Variants in GMDS observed in about 807,000 individuals in gnomAD.
GMDS encodes GDP-mannose 4,6 dehydratase.
In GMDS, 20 loss-of-function variants were observed where a neutral mutation model predicts 49.9. The ratio of observed to expected loss-of-function variants is 0.40; its 90% CI spans 0.28 to 0.58. The LOEUF is 0.58. Among genes scored for constraint, GMDS ranks in the 20% least tolerant of loss-of-function variants. The pLI, the probability that GMDS is intolerant of heterozygous loss-of-function variation, is 0.42. For synonymous variants in GMDS, 177 were observed against 178.6 expected (o/e 0.99, Z 0.07); for missense variants, 362 against 481.4 (o/e 0.75, Z 2.32).
At chr6:1,674,905 G>T (rs561001163) in intron 9 of GMDS, among the ~76,000 whole-genome samples, 1 of 151,628 alleles carries the variant, frequency 6.6e-6, no homozygotes, top group East Asian at 1.9e-4. Flanking sequence ...TTTTTTGGGG[G>T]TGTTAATGTA....
At chr6:2,082,463 T>C (rs895301000) in intron 4 of GMDS, among the ~76,000 whole-genome samples, 1 of 152,170 alleles carries the variant, frequency 6.6e-6, no homozygotes, top group African/African-American at 2.4e-5. Context: ...CCTCATAAAA[T>C]TGCAGGCATG....
intron 4 of GMDS, among the ~76,000 whole-genome samples, chr6:2,054,162 G>A (rs1266158161): frequency 2.6e-5 from 4 of 152,086 alleles, no homozygotes; most frequent in African/African-American, 7.2e-5. Flanking sequence ...TCTTCAGCCC[G>A]AAATGTAACC....
At chr6:1,744,832 AAGTCTAGCCACTG>A (rs1767417247) in intron 7 of GMDS, among the ~76,000 whole-genome samples, 1 of 152,254 alleles carries the variant, frequency 6.6e-6, no homozygotes, top group Admixed American at 6.5e-5. Context: ...CCAGGGTCCC[AAGTCTAGCCACTG>A]GAATGAATTC....
At chr6:2,028,077 A>G (rs2127413407) in intron 4 of GMDS, among the ~76,000 whole-genome samples, 1 of 152,344 alleles carries the variant, frequency 6.6e-6, no homozygotes, top group East Asian at 1.9e-4. Flanking sequence ...CTAGCTTGTA[A>G]AACAATATCT....
chr6:1,846,526 T>TCCC (rs1315599042), intron 7 of GMDS, among the ~76,000 whole-genome samples: 2 of 152,126 alleles, frequency 1.3e-5, no homozygotes, highest in East Asian at 1.9e-4. Flanking sequence ...TCTCCATTGA[T>TCCC]AGGAAAGATG....
chr6:2,053,773 T>C (rs1770619582), intron 4 of GMDS, among the ~76,000 whole-genome samples: 1 of 152,062 alleles, frequency 6.6e-6, no homozygotes, highest in Non-Finnish European at 1.5e-5. Context: ...AACCTTTGAT[T>C]TTTTAAACTA....
chr6:1,792,307 A>G (rs1447006886), intron 7 of GMDS, among the ~76,000 whole-genome samples: 4 of 151,354 alleles, frequency 2.6e-5, no homozygotes, highest in Admixed American at 6.6e-5. Context: ...CCAACTTTCT[A>G]TAACACACAT....
chr6:2,226,389 T>C (rs914606676), intron 1 of GMDS, among the ~76,000 whole-genome samples: 8 of 152,236 alleles, frequency 5.3e-5, no homozygotes, highest in East Asian at 1.9e-4. Flanking sequence ...ATTCTGCCTA[T>C]GATAACTGTC....
intron 9 of GMDS, among the ~76,000 whole-genome samples, chr6:1,643,878 A>G (rs1763409540): frequency 6.6e-6 from 1 of 152,212 alleles, no homozygotes; most frequent in Admixed American, 6.5e-5. Flanking sequence ...CTCTAAAAAA[A>G]AAGTCCTTTT....
chr6:2,113,329 C>G (rs1303661715), intron 4 of GMDS, among the ~76,000 whole-genome samples: 1 of 152,110 alleles, frequency 6.6e-6, no homozygotes, highest in Non-Finnish European at 1.5e-5. Flanking sequence ...CATCCAGCAA[C>G]TTCCTAGCTC....
chr6:1,733,443 GGGGGAGAGAGAGGCCAGGCAGTGAC>G (rs1436308427), intron 8 of GMDS, among the ~76,000 whole-genome samples: 1 of 152,212 alleles, frequency 6.6e-6, no homozygotes. Flanking sequence ...TGGCAGAACA[GGGGGAGAGAGAGGCCAGGCAGTGAC>G]TGGAGGGACC....
intron 7 of GMDS, among the ~76,000 whole-genome samples, chr6:1,817,032 T>C (rs923767482): frequency 6.7e-6 from 1 of 149,790 alleles, no homozygotes; most frequent in African/African-American, 2.5e-5. Flanking sequence ...AAATTAGCAG[T>C]GTCCATACCT....
chr6:2,231,446 C>T (rs1312605605), intron 1 of GMDS, among the ~76,000 whole-genome samples: 1 of 152,092 alleles, frequency 6.6e-6, no homozygotes, highest in Admixed American at 6.5e-5. Context: ...CACCCAAAGT[C>T]GCAGGTACTC....
chr6:2,198,257 T>G (rs182155580), intron 1 of GMDS, among the ~76,000 whole-genome samples: 33 of 152,356 alleles, frequency 2.2e-4, no homozygotes, highest in Non-Finnish European at 4.4e-4. Context: ...CAGATGCATA[T>G]GCCTGTACAC....
intron 1 of GMDS, among the ~76,000 whole-genome samples, chr6:2,184,851 A>G (rs989569623): frequency 2.2e-4 from 34 of 152,342 alleles, no homozygotes; most frequent in African/African-American, 8.2e-4. Flanking sequence ...TAATCAGCAC[A>G]CAACTGTCAG....
intron 1 of GMDS, among the ~76,000 whole-genome samples, chr6:2,207,560 G>A (rs1304020357): frequency 6.6e-6 from 1 of 151,896 alleles, no homozygotes; most frequent in Non-Finnish European, 1.5e-5. Flanking sequence ...GTTTAGAATT[G>A]TAATCAAACT....
chr6:1,919,617 T>C (rs1173276712), intron 7 of GMDS, among the ~76,000 whole-genome samples: 1 of 152,216 alleles, frequency 6.6e-6, no homozygotes, highest in Non-Finnish European at 1.5e-5. Context: ...TGCAGCATAG[T>C]TTCTGAAGCA....
chr6:1,774,335 T>C (rs1404502495), intron 7 of GMDS, among the ~76,000 whole-genome samples: 1 of 152,206 alleles, frequency 6.6e-6, no homozygotes. Flanking sequence ...GCATCTATCA[T>C]AGGATCTTTC....
intron 1 of GMDS, among the ~76,000 whole-genome samples, chr6:2,138,976 C>A (rs1200770331): frequency 6.6e-6 from 1 of 152,068 alleles, no homozygotes; most frequent in Non-Finnish European, 1.5e-5. Flanking sequence ...CAGTAGTATG[C>A]CTTCACTTCA....
Sources: gnomAD v4.1 joint callset for allele counts (sites outside exome capture counted in the v4.1 genomes callset) on GRCh38, gnomAD v4.1.1 for gene constraint, MANE v1.5 for transcripts, NCBI Gene and HGNC (gene_info 2026-07-23, HGNC 2026-07-21) for gene names.